The following CRADD variants were observed in gnomAD, a reference collection of about 807,000 sequenced individuals.
The protein encoded by CRADD is CARD and death domain containing adaptor protein.
CRADD carries 9 observed loss-of-function variants against 15.5 expected under a neutral mutation model. That is an observed-to-expected ratio of 0.58 (90% CI 0.35 to 1.01). CRADD has a LOEUF of 1.01. Among genes scored for constraint, CRADD ranks in the 50% least tolerant of loss-of-function variants. The pLI, the probability that CRADD is intolerant of heterozygous loss-of-function variation, is 0.02. For synonymous variants in CRADD, 118 were observed against 107.6 expected, an observed-to-expected ratio of 1.10 and a Z score of -0.60; for missense variants, 227 against 250.3, an observed-to-expected ratio of 0.91 and a Z score of 0.63.
At chr12:93,681,775 C>T (rs921506483) in intron 2 of CRADD, among the ~76,000 whole-genome samples, 3 of 152,150 alleles carry the variant, frequency 2.0e-5, no homozygotes, top group African/African-American at 7.2e-5. Flanking sequence ...CATTCATTCA[C>T]TTCTTCACTT....
chr12:93,698,636 G>A (rs563371985), intron 2 of CRADD, among the ~76,000 whole-genome samples: 1 of 152,104 alleles, frequency 6.6e-6, no homozygotes, highest in South Asian at 2.1e-4. Context: ...TCTTCTGTTT[G>A]TATGCTTTTA....
At chr12:93,795,279 G>C (rs964841912) in intron 2 of CRADD, among the ~76,000 whole-genome samples, 4 of 152,160 alleles carry the variant, frequency 2.6e-5, no homozygotes, top group African/African-American at 7.2e-5. Flanking sequence ...AGGCGAATCT[G>C]TGCAGTTTTA....
chr12:93,823,744 G>A (rs1446505134), intron 2 of CRADD, among the ~76,000 whole-genome samples: 4 of 152,190 alleles, frequency 2.6e-5, no homozygotes, highest in African/African-American at 9.7e-5. Flanking sequence ...TGATTGTGTT[G>A]AGAATTCAGG....
intron 2 of CRADD, among the ~76,000 whole-genome samples, chr12:93,787,493 G>A (rs1219415716): frequency 6.6e-6 from 1 of 151,972 alleles, no homozygotes; most frequent in African/African-American, 2.4e-5. Flanking sequence ...TACGTCTGCT[G>A]AACCTTGTAC....
At chr12:93,697,638 A>G (rs889628656) in intron 2 of CRADD, among the ~76,000 whole-genome samples, 3 of 152,228 alleles carry the variant, frequency 2.0e-5, no homozygotes, top group Non-Finnish European at 4.4e-5. Flanking sequence ...GCCAGTGTTT[A>G]TAATAAATGA....
At chr12:93,785,748 T>C (rs1033754400) in intron 2 of CRADD, among the ~76,000 whole-genome samples, 1 of 152,168 alleles carries the variant, frequency 6.6e-6, no homozygotes, top group Non-Finnish European at 1.5e-5. Flanking sequence ...CATTAAATCA[T>C]ATATATGTTT....
intron 2 of CRADD, among the ~76,000 whole-genome samples, chr12:93,808,820 G>C (rs1957581572): frequency 6.6e-6 from 1 of 151,848 alleles, no homozygotes; most frequent in African/African-American, 2.4e-5. Context: ...ATGTTCCTAG[G>C]AGGTCGGGGA....
rs76773538 is a variant in CRADD, at chr12:93,877,149, C to T, written c.299-16901C>T. 7.9e-3 allele frequency among the ~76,000 whole-genome samples: 1,202 copies of T among 152,292 alleles called. 10 individuals are homozygous for T. Among genetic ancestry groups the T allele is most frequent in the Non-Finnish European group, 0.013 (857 of 68,008 alleles). On this transcript the variant is annotated intron_variant, in intron 2 of 2. Transcript: ENST00000548483. ...CAGGCAGAGACTCTTGTTCTCTTCC[C>T]GTACTTAACCAAACAAACAGTCTCT...
chr12:93,889,174 G>T (rs1275932947), intron 2 of CRADD, among the ~76,000 whole-genome samples: 5 of 152,084 alleles, frequency 3.3e-5, no homozygotes, highest in African/African-American at 1.2e-4. Context: ...ACTTTTTCCT[G>T]GTTTGTGCTT....
rs190162985 is a variant in CRADD at position 93,791,640 on chromosome 12, T to C, written c.299-58330T>C. On this transcript the variant is annotated intron_variant, in intron 2 of 2. Transcript: ENST00000332896. ...AACTGTAGTAGTTAATAATAATGTT[T>C]ACTTCAAAATTGCTGAGTAAATCCA... is the stretch of plus-strand genomic sequence containing the variant. Among the ~76,000 whole-genome samples, 301 of 152,220 alleles carry C rather than the reference T, an allele frequency of 2.0e-3. 1 individual carries two copies. The highest frequency in any genetic ancestry group is 8.3e-3 in the South Asian group (40 of 4,822).
At chr12:93,747,929 T>C (rs538644368) in intron 2 of CRADD, among the ~76,000 whole-genome samples, 71 of 152,326 alleles carry the variant, frequency 4.7e-4, no homozygotes, top group African/African-American at 1.7e-3. Flanking sequence ...ACAGTCTCAG[T>C]CTTGGCTCTG....
intron 2 of CRADD, among the ~76,000 whole-genome samples, chr12:93,767,184 C>T (rs964562899): frequency 3.9e-5 from 6 of 152,244 alleles, no homozygotes; most frequent in African/African-American, 1.4e-4. Flanking sequence ...CAGCCATGTG[C>T]AAGTGATATT....
chr12:93,767,278 T>A (rs958619919), intron 2 of CRADD, among the ~76,000 whole-genome samples: 1 of 152,250 alleles, frequency 6.6e-6, no homozygotes, highest in African/African-American at 2.4e-5. Context: ...TATTCTTCAC[T>A]TCCTTTAAGC....
intron 2 of CRADD, among the ~76,000 whole-genome samples, chr12:93,724,979 G>C (rs910016129): frequency 2.0e-5 from 3 of 152,024 alleles, no homozygotes; most frequent in Admixed American, 6.6e-5. Flanking sequence ...TCCTGCCTCA[G>C]CCTCGCAAGT....
In CRADD at chr12:93,850,214, C is replaced by T; in HGVS notation, c.543C>T (p.His181=). 2 of 1,612,520 alleles carry T rather than the reference C, an allele frequency of 1.2e-6. No homozygotes were observed. Among genetic ancestry groups the T allele is most frequent in the South Asian group, 2.2e-5 (2 of 91,050 alleles). ...AGCAGGCCACCTTCCAGAGCCTGCA[C>T]AACGGGCTGCGGGCTGTGGAGGTGG... ...FGKQATFQSL[H]NGLRAVEVDP... Residue 181 remains histidine (H), a synonymous_variant, in exon 3 of 3, where the codon CAC becomes CAT. Coordinates refer to ENST00000332896, the MANE Select transcript of CRADD (RefSeq NM_003805.5). This position sits in a 1 kb window ranked among gnomAD's most constrained non-coding sequence, Gnocchi z 4.0.
chr12:93,742,023 G>A (rs1190252679), intron 2 of CRADD, among the ~76,000 whole-genome samples: 2 of 152,078 alleles, frequency 1.3e-5, no homozygotes, highest in African/African-American at 4.8e-5. Context: ...AATGCAAAAA[G>A]CTCAGCCTTG....
rs529299563 is a variant in CRADD at position 93,775,210 on chromosome 12, C to G, written c.299-74760C>G. On this transcript the variant is annotated intron_variant, in intron 2 of 2. Coordinates refer to ENST00000332896, the MANE Select transcript of CRADD (RefSeq NM_003805.5). ...ATAAAATAACCTTCCAGATACAGCTCAAACATCAATAAGCAATATTTTATC... is the reference window on the plus strand; with the variant it reads ...ATAAAATAACCTTCCAGATACAGCTGAAACATCAATAAGCAATATTTTATC... Among the ~76,000 whole-genome samples, 10 of 152,306 alleles carry G rather than the reference C, an allele frequency of 6.6e-5. 1 individual carries two copies. In the South Asian group the frequency reaches 1.7e-3, roughly 25 times the overall value.
At chr12:93,866,986 A>G (rs1958372942) in intron 2 of CRADD, among the ~76,000 whole-genome samples, 1 of 152,146 alleles carries the variant, frequency 6.6e-6, no homozygotes, top group African/African-American at 2.4e-5. Context: ...GCTGAGGGAA[A>G]GAGGGGTTAA....
intron 2 of CRADD, among the ~76,000 whole-genome samples, chr12:93,785,769 G>A (rs1161278747): frequency 6.6e-6 from 1 of 152,202 alleles, no homozygotes; most frequent in African/African-American, 2.4e-5. Context: ...GGTTGCCAGT[G>A]AGAATCTGAG....
Sources: gnomAD v4.1 joint callset for allele counts (sites outside exome capture counted in the v4.1 genomes callset) on GRCh38, gnomAD v4.1.1 for gene constraint, Gnocchi (gnomAD v3.1) non-coding constraint, MANE v1.5 for transcripts, NCBI Gene and HGNC (gene_info 2026-07-23, HGNC 2026-07-21) for gene names.